Variants in VCL observed in about 807,000 individuals in gnomAD.
VCL encodes the protein vinculin, also known as epididymis luminal protein 114.
VCL carries 47 observed loss-of-function variants against 125.7 expected under a neutral mutation model. The ratio of observed to expected loss-of-function variants is 0.37; its 90% confidence interval spans 0.30 to 0.48. The LOEUF is 0.48. VCL is among the 20% of genes least tolerant of loss of function. The pLI is 0.99. For synonymous variants in VCL, 458 were observed against 514.6 expected (o/e 0.89, Z 1.49); for missense variants, 1,069 against 1,455.5 (o/e 0.73, Z 4.32).
At chr10:74,006,631 G>A (rs147440773) in intron 1 of VCL, among the ~76,000 whole-genome samples, 34 of 152,290 alleles carry the variant, frequency 2.2e-4, no homozygotes, top group African/African-American at 3.4e-4. Context: ...GAGTATTGAC[G>A]TGATGCCACT....
At chr10:74,099,153 T>C (rs1488690491) in intron 13 of VCL, among the ~76,000 whole-genome samples, 1 of 152,190 alleles carries the variant, frequency 6.6e-6, no homozygotes, top group Non-Finnish European at 1.5e-5. Flanking sequence ...AACCTGACTC[T>C]GACATTCTCC....
Position 74,114,383 on chromosome 10 carries a change from T to C in VCL, c.3149T>C (p.Leu1050Ser), listed in dbSNP as rs1840277132. ...CTDKRIRTNL[L>S]QVCERIPTIS... ...GATAAACGGATTAGAACCAACCTCT[T>C]ACAGGTACTCGGGGAAAGAGGCTGC... Residue 1050 changes from leucine to serine, a missense_variant, in exon 20 of 22, where the codon TTA (leucine) becomes TCA (serine). By Grantham distance (145) the Leu-to-Ser change is moderately radical. Coordinates refer to ENST00000211998, the MANE Select transcript of VCL (RefSeq NM_014000.3). The C allele has an allele frequency of 1.2e-6, 2 of 1,612,100 alleles. No homozygotes were observed. The highest frequency in any genetic ancestry group is 1.7e-6 in the Non-Finnish European group (2 of 1,179,680).
rs71579353 is a variant in VCL, at chr10:74,082,499, C to A, written c.829C>A (p.Leu277Met). ...AGCATTGGCCTCCATAGACTCCAAA[C>A]TGAACCAGGCCAAAGGTTGGCTCCG... is the stretch of plus-strand genomic sequence containing the variant. Reference protein sequence around the residue: ...KRALASIDSKLNQAKGWLRDP... With the variant: ...KRALASIDSKMNQAKGWLRDP... Residue 277 changes from leucine (L) to methionine (M), a missense_variant, in exon 7 of 22, where the codon CTG becomes ATG. Physicochemically the swap from Leu to Met is conservative, Grantham distance 15 (BLOSUM62 2). Transcript: ENST00000211998. 9.5e-5 allele frequency: 153 copies of A among 1,614,190 alleles called. No individual in the cohort carries two copies. The highest frequency in any genetic ancestry group is 1.7e-4 in the Admixed American group (10 of 60,024).
At chr10:74,077,773 A>G in intron 6 of VCL, 1 of 454,000 alleles carries the variant, frequency 2.2e-6, no homozygotes, top group South Asian at 1.6e-5. Context: ...TTCTTGGTAA[A>G]AGTGCGTCTT....
At chr10:74,026,632 G>C (rs535584726) in intron 1 of VCL, among the ~76,000 whole-genome samples, 1 of 152,140 alleles carries the variant, frequency 6.6e-6, no homozygotes, top group Non-Finnish European at 1.5e-5. Flanking sequence ...TTTAGCCCTT[G>C]TTATCTACCA....
At chr10:74,117,900 G>A in intron 21 of VCL, 123 bp from the exon 22 acceptor site, 2 of 1,404,996 alleles carry the variant, frequency 1.4e-6, no homozygotes, top group Non-Finnish European at 2.0e-6. Flanking sequence ...AGTGATGCAA[G>A]CAAATATGGG....
intron 1 of VCL, among the ~76,000 whole-genome samples, chr10:74,011,148 A>G (rs1840426525): frequency 6.8e-6 from 1 of 147,818 alleles, no homozygotes; most frequent in South Asian, 2.2e-4. Context: ...GTGGGCAACA[A>G]GAGTGAAACT....
chr10:74,040,403 C>CA (rs1337680484), intron 1 of VCL, among the ~76,000 whole-genome samples: 2 of 152,174 alleles, frequency 1.3e-5, no homozygotes, highest in African/African-American at 4.8e-5. Context: ...TTCTCCCTCC[C>CA]ACGCTTGCTC....
intron 6 of VCL, among the ~76,000 whole-genome samples, chr10:74,080,210 A>G (rs963184087): frequency 7.2e-5 from 11 of 152,102 alleles, no homozygotes; most frequent in African/African-American, 2.7e-4. Flanking sequence ...TCTGGAGCTT[A>G]TTTTCTCTGC....
intron 1 of VCL, among the ~76,000 whole-genome samples, chr10:74,012,366 C>G (rs1323562841): frequency 1.3e-5 from 2 of 152,202 alleles, no homozygotes; most frequent in African/African-American, 4.8e-5. Context: ...CAAACTCCAG[C>G]TATGCACATT....
chr10:74,109,679 G>A (rs945220659), intron 18 of VCL, among the ~76,000 whole-genome samples: 5 of 151,486 alleles, frequency 3.3e-5, no homozygotes, highest in Non-Finnish European at 7.4e-5. Context: ...GCTCCAGGCT[G>A]TCTCTTACTC....
At chr10:73,998,871 G>A (rs1227560100) in intron 1 of VCL, among the ~76,000 whole-genome samples, 1 of 152,122 alleles carries the variant, frequency 6.6e-6, no homozygotes, top group Non-Finnish European at 1.5e-5. Context: ...TTTGAGCCAC[G>A]TTGTCCTCCT....
chr10:74,045,358 C>T lies in VCL; in HGVS notation c.239+2205C>T, dbSNP rs375394158. Among the ~76,000 whole-genome samples the T allele has an allele frequency of 2.6e-5, 4 of 151,940 alleles. No homozygotes were observed. In the South Asian group the frequency reaches 6.3e-4, roughly 24 times the overall value. On this transcript the variant is annotated intron_variant, in intron 2 of 21. Transcript: ENST00000211998. ...TCAAAAATGGCCAGGTGTGGTGACT[C>T]ACACCTGTAATCCCAGTACTTTGGG...
chr10:74,070,951 G>T, intron 3 of VCL, 24 bp from the exon 4 acceptor site: 1 of 1,613,552 alleles, frequency 6.2e-7, no homozygotes, highest in South Asian at 1.1e-5. Context: ...CCATGTGATT[G>T]AATACTCTGA....
rs1399860181 is a variant in VCL, at chr10:74,074,729, T to C, written c.623-14T>C. ...TAAATTCCAAGCTTACTTTCTGATC[T>C]TTTATTTTTACAGCTATGAAGATTT... is the stretch of plus-strand genomic sequence containing the variant. On this transcript the variant is annotated splice_polypyrimidine_tract_variant and intron_variant, in intron 5 of 21. Transcript: ENST00000211998. 1.2e-6 allele frequency: 2 copies of C among 1,611,712 alleles called. No homozygotes were observed. Among genetic ancestry groups the C allele is most frequent in the Admixed American group, 1.7e-5 (1 of 59,680 alleles).
chr10:74,022,020 TATGC>T (rs1840677979), intron 1 of VCL, among the ~76,000 whole-genome samples: 1 of 152,156 alleles, frequency 6.6e-6, no homozygotes, highest in Non-Finnish European at 1.5e-5. Flanking sequence ...CTCAGAAACC[TATGC>T]CTTGTCCCCA....
At chr10:74,049,064 G>A (rs952174761) in intron 2 of VCL, among the ~76,000 whole-genome samples, 10 of 152,092 alleles carry the variant, frequency 6.6e-5, no homozygotes, top group Non-Finnish European at 1.3e-4. Context: ...CTGAGATTGC[G>A]CCACTGCACT....
intron 1 of VCL, 34 bp downstream of exon 1, chr10:73,998,409 C>G: frequency 7.1e-7 from 1 of 1,402,496 alleles, no homozygotes. Flanking sequence ...GGAGCGGGCG[C>G]GGGAGGTATC....
At chr10:74,112,362 C>T (rs1353982454) in intron 19 of VCL, among the ~76,000 whole-genome samples, 1 of 152,144 alleles carries the variant, frequency 6.6e-6, no homozygotes, top group Non-Finnish European at 1.5e-5. Context: ...GAAAGGATTC[C>T]TTTTCTTACT....
Sources: gnomAD v4.1 joint callset for allele counts (sites outside exome capture counted in the v4.1 genomes callset) on GRCh38, gnomAD v4.1.1 for gene constraint, MANE v1.5 for transcripts, NCBI Gene and HGNC (gene_info 2026-07-23, HGNC 2026-07-21) for gene names.